Variants in CNTN4 observed in about 807,000 individuals in gnomAD.
CNTN4 encodes contactin-4.
In CNTN4, 77 loss-of-function variants were observed where a neutral mutation model predicts 122.5. That is an observed-to-expected ratio of 0.63 (90% CI 0.52 to 0.76). The LOEUF (loss-of-function observed/expected upper bound fraction) is 0.76. CNTN4 is among the 30% of genes least tolerant of loss of function. The pLI is 0.00. For synonymous variants in CNTN4, 512 were observed against 447.0 expected, an observed-to-expected ratio of 1.15 and a Z score of -1.83; for missense variants, 1,256 against 1,259.1, an observed-to-expected ratio of 1.00 and a Z score of 0.04.
intron 2 of CNTN4, among the ~76,000 whole-genome samples, chr3:2,274,247 G>A (rs1046839772): frequency 6.6e-6 from 1 of 152,164 alleles, no homozygotes; most frequent in Admixed American, 6.5e-5. Flanking sequence ...GCCAGGTGTG[G>A]TGGTGGGTGC....
intron 6 of CNTN4, among the ~76,000 whole-genome samples, chr3:2,797,195 C>T (rs1394623779): frequency 6.6e-6 from 1 of 152,138 alleles, no homozygotes; most frequent in Non-Finnish European, 1.5e-5. Flanking sequence ...AAGCTGGGGT[C>T]TCACTATGTT....
rs187771330 is a variant in CNTN4, at chr3:2,235,072, C to A, written c.-144-104106C>A. On this transcript the variant is annotated intron_variant, in intron 2 of 24. Coordinates refer to ENST00000418658, the MANE Select transcript of CNTN4 (RefSeq NM_175607.3). ...ATAACATCTGCTGTCTCAGAGCTTACTCAGAACTAACAAAAGAACCAAGTG... is the reference window on the plus strand; with the variant it reads ...ATAACATCTGCTGTCTCAGAGCTTAATCAGAACTAACAAAAGAACCAAGTG... 3.3e-5 allele frequency among the ~76,000 whole-genome samples: 5 copies of A among 152,226 alleles called. No individual in the cohort carries two copies. In the East Asian group the frequency reaches 9.7e-4, roughly 29 times the overall value.
chr3:2,147,020 A>T (rs139483245), intron 2 of CNTN4, among the ~76,000 whole-genome samples: 1 of 152,044 alleles, frequency 6.6e-6, no homozygotes, highest in East Asian at 1.9e-4. Flanking sequence ...AGCTGGAACT[A>T]TAGGCACTCA....
chr3:2,943,176 A>G (rs1469788469), intron 13 of CNTN4, among the ~76,000 whole-genome samples: 2 of 148,358 alleles, frequency 1.3e-5, no homozygotes, highest in East Asian at 4.0e-4. Flanking sequence ...AGCAAGCAGG[A>G]GAATCATTTA....
At chr3:2,141,256 G>C (rs865827858) in intron 2 of CNTN4, among the ~76,000 whole-genome samples, 1 of 152,126 alleles carries the variant, frequency 6.6e-6, no homozygotes, top group African/African-American at 2.4e-5. Context: ...ATGAAGGTAA[G>C]GATCTTAAAA....
intron 4 of CNTN4, among the ~76,000 whole-genome samples, chr3:2,670,690 G>A (rs961984771): frequency 1.1e-4 from 16 of 152,180 alleles, no homozygotes; most frequent in Non-Finnish European, 1.8e-4. Context: ...TCCTAGCCTC[G>A]ATGGTCTTTA....
chr3:2,219,567 T>C (rs1559352626), intron 2 of CNTN4, among the ~76,000 whole-genome samples: 1 of 152,184 alleles, frequency 6.6e-6, no homozygotes, highest in East Asian at 1.9e-4. Context: ...TCCTAGAGTT[T>C]TGGTGTTATC....
chr3:2,607,628 A>ACACACAC (rs1553580865), intron 4 of CNTN4, among the ~76,000 whole-genome samples: 1 of 152,016 alleles, frequency 6.6e-6, no homozygotes, highest in African/African-American at 2.4e-5. Context: ...ACACACACAT[A>ACACACAC]ACTAATGGCT....
intron 7 of CNTN4, among the ~76,000 whole-genome samples, chr3:2,845,175 A>G (rs2093433636): frequency 6.6e-6 from 1 of 152,188 alleles, no homozygotes; most frequent in Non-Finnish European, 1.5e-5. Flanking sequence ...GGACAATTAT[A>G]CAAGTTTATT....
rs2089068762 is a variant in CNTN4, at chr3:2,736,127, C to A, written c.56-88C>A. On this transcript the variant is annotated intron_variant, in intron 4 of 24. Coordinates refer to ENST00000418658, the MANE Select transcript of CNTN4 (RefSeq NM_175607.3). Reference sequence around the variant, plus strand: ...CTTACTATTTTTTGTTAATTTCTTTCTATTATTTTCCTTATGTTGTTGTTT... The same window carrying A: ...CTTACTATTTTTTGTTAATTTCTTTATATTATTTTCCTTATGTTGTTGTTT... The A allele has an allele frequency of 1.1e-5, 15 of 1,335,256 alleles. No homozygotes were observed. The Admixed American group carries it at 2.4e-4, about 21-fold the overall frequency. The allele number at this position is 1,335,256 out of a possible 1,614,324, so 82.7% of individuals were successfully genotyped here.
chr3:2,972,355 C>T (rs779363305), intron 13 of CNTN4, among the ~76,000 whole-genome samples: 2 of 152,048 alleles, frequency 1.3e-5, no homozygotes, highest in Non-Finnish European at 2.9e-5. Context: ...CAGACACACA[C>T]ACTCAAAGAT....
intron 3 of CNTN4, among the ~76,000 whole-genome samples, chr3:2,498,255 A>C (rs899225371): frequency 6.6e-6 from 1 of 152,188 alleles, no homozygotes; most frequent in Non-Finnish European, 1.5e-5. Flanking sequence ...ATTTATGGCA[A>C]CATATTCATT....
At chr3:2,948,547 T>G (rs1037205783) in intron 13 of CNTN4, among the ~76,000 whole-genome samples, 15 of 152,178 alleles carry the variant, frequency 9.9e-5, no homozygotes, top group African/African-American at 3.6e-4. Context: ...CAATCCTGTA[T>G]CCATATCTTT....
At chr3:2,504,864 A>G (rs529514490) in intron 3 of CNTN4, among the ~76,000 whole-genome samples, 32 of 152,162 alleles carry the variant, frequency 2.1e-4, no homozygotes, top group Admixed American at 7.2e-4. Flanking sequence ...AAAAATGTCA[A>G]TGTAATAAGA....
At chr3:2,707,300 T>C (rs769711528) in intron 4 of CNTN4, among the ~76,000 whole-genome samples, 11 of 151,098 alleles carry the variant, frequency 7.3e-5, no homozygotes, top group African/African-American at 2.4e-4. Context: ...AGCAAGACCA[T>C]GTCTCAAAAA....
intron 3 of CNTN4, among the ~76,000 whole-genome samples, chr3:2,341,801 A>AT (rs1195060538): frequency 2.6e-5 from 4 of 152,254 alleles, no homozygotes; most frequent in African/African-American, 4.8e-5. Context: ...TTTACATAAA[A>AT]TGATTTTTTA....
intron 2 of CNTN4, among the ~76,000 whole-genome samples, chr3:2,161,781 C>T (rs927420182): frequency 1.3e-5 from 2 of 152,068 alleles, no homozygotes; most frequent in African/African-American, 4.8e-5. Context: ...AGTTAAGTTA[C>T]GAATTGTGAG....
At position 2,449,198 on chromosome 3, in the gene CNTN4, T is replaced by C. The variant is rs553580910; in HGVS notation, c.-89+109965T>C. Among the ~76,000 whole-genome samples, 17 of 152,304 alleles carry C rather than the reference T, an allele frequency of 1.1e-4. No homozygotes were observed. In the South Asian group the frequency reaches 3.3e-3, roughly 30 times the overall value. ...AATAATAGAGAAAAGCTTTGCTATTTTCGAGATCATTATTTGAAAGATAGT... is the reference window on the plus strand; with the variant it reads ...AATAATAGAGAAAAGCTTTGCTATTCTCGAGATCATTATTTGAAAGATAGT... On this transcript the variant is annotated intron_variant, in intron 3 of 24. Coordinates refer to ENST00000418658, the MANE Select transcript of CNTN4 (RefSeq NM_175607.3).
At chr3:2,726,334 A>G (rs1173613597) in intron 4 of CNTN4, among the ~76,000 whole-genome samples, 2 of 152,220 alleles carry the variant, frequency 1.3e-5, no homozygotes, top group East Asian at 1.9e-4. Flanking sequence ...GCCAATTGAT[A>G]ATGTATAAAT....
Sources: allele counts gnomAD v4.1 joint callset (sites outside exome capture counted in the v4.1 genomes callset), GRCh38; gene constraint gnomAD v4.1.1; transcripts MANE v1.5; gene names NCBI Gene and HGNC (gene_info 2026-07-23, HGNC 2026-07-21).